VPS13A: variants seen among roughly 807,000 people sequenced by gnomAD.
VPS13A encodes vacuolar protein sorting 13 homolog A, also known as intermembrane lipid transfer protein VPS13A.
Under a neutral mutation model 390.9 loss-of-function variants are expected in VPS13A, and 264 were observed. That is an observed-to-expected ratio of 0.68 (90% CI 0.61 to 0.75). The LOEUF is 0.75. Among genes scored for constraint, VPS13A ranks in the 30% least tolerant of loss-of-function variants. VPS13A has a pLI of 0.00. For missense variants in VPS13A, 3,409 were observed against 3,733.9 expected, an observed-to-expected ratio of 0.91 and a Z score of 2.27; for synonymous variants, 1,231 against 1,227.1, an observed-to-expected ratio of 1.00 and a Z score of -0.07.
intron 34 of VPS13A, among the ~76,000 whole-genome samples, chr9:77,305,141 T>C (rs1247054360): frequency 6.6e-6 from 1 of 152,130 alleles, no homozygotes; most frequent in Non-Finnish European, 1.5e-5. Flanking sequence ...GATTTCACCG[T>C]GTTAGCCAGG....
chr9:77,209,151 T>C (rs531238310), intron 5 of VPS13A, among the ~76,000 whole-genome samples: 1 of 152,220 alleles, frequency 6.6e-6, no homozygotes, highest in Non-Finnish European at 1.5e-5. Context: ...TTTTTAAATA[T>C]ATTTTTGTAC....
At chr9:77,393,896 G>A (rs1834006014) in intron 68 of VPS13A, among the ~76,000 whole-genome samples, 1 of 152,060 alleles carries the variant, frequency 6.6e-6, no homozygotes, top group Non-Finnish European at 1.5e-5. Flanking sequence ...GGCCTCCTGA[G>A]TAGCTGGGAT....
chr9:77,339,830 A>G lies in VPS13A; in HGVS notation c.6693A>G (p.Gly2231=), dbSNP rs755632398. Residue 2231 remains glycine (G), a synonymous_variant, in exon 48 of 72, where the codon GGA becomes GGG. Coordinates refer to ENST00000360280, the MANE Select transcript of VPS13A (RefSeq NM_033305.3). ...GCATGTTACAGTACAAAGCAGACGG[A>G]ATTCATCGAAAGCATCCACCTAATT... ...TGRMLQYKAD[G]IHRKHPPNYK... The G allele has an allele frequency of 3.1e-6, 5 of 1,614,044 alleles. No individual in the cohort carries two copies. In the East Asian group the frequency reaches 1.1e-4, roughly 36 times the overall value.
chr9:77,221,206 C>T lies in VPS13A; in HGVS notation c.1011C>T (p.Gly337=), dbSNP rs1050278809. The T allele has an allele frequency of 1.4e-5, 23 of 1,613,036 alleles. No homozygotes were observed. The highest frequency in any genetic ancestry group is 9.4e-5 in the African/African-American group (7 of 74,796). The part of the protein sequence containing the change: ...AREWWAYAIH[G]VLEVNVCPRL... ...CTAGGTGGGCTTATGCTATACATGG[C>T]GTTCTTGAAGTAAATGTTTGCCCCA... is the stretch of plus-strand genomic sequence containing the variant. The change falls in exon 13 of 72, where the codon GGC becomes GGT. Residue 337 remains glycine (G), a synonymous_variant. Transcript: ENST00000360280.
chr9:77,375,419 G>A (rs1447695845), intron 67 of VPS13A, among the ~76,000 whole-genome samples: 1 of 152,110 alleles, frequency 6.6e-6, no homozygotes, highest in African/African-American at 2.4e-5. Context: ...ATGCAATTTG[G>A]GGAGAGAATG....
intron 1 of VPS13A, among the ~76,000 whole-genome samples, chr9:77,188,607 G>A (rs1824487301): frequency 6.6e-6 from 1 of 152,198 alleles, no homozygotes; most frequent in African/African-American, 2.4e-5. Flanking sequence ...TGGTAGGACA[G>A]TTTATGGTCC....
At chr9:77,351,497 A>G (rs1312450297) in intron 53 of VPS13A, 51 bp downstream of exon 53, 1 of 1,600,966 alleles carries the variant, frequency 6.2e-7, no homozygotes, top group Admixed American at 1.7e-5. Flanking sequence ...TAAAAAAGGT[A>G]TTTGGGCCGG....
intron 1 of VPS13A, among the ~76,000 whole-genome samples, chr9:77,188,975 T>C (rs950536044): frequency 2.4e-4 from 37 of 152,052 alleles, no homozygotes; most frequent in African/African-American, 7.7e-4. Flanking sequence ...AGTTTTCTGC[T>C]TGTTTGTTTA....
chr9:77,272,358 A>G (rs1564683629), intron 23 of VPS13A, among the ~76,000 whole-genome samples: 1 of 152,196 alleles, frequency 6.6e-6, no homozygotes. Context: ...ACTGTTTGGG[A>G]AAGTTTTATC....
intron 53 of VPS13A, among the ~76,000 whole-genome samples, chr9:77,352,296 C>T (rs1304622186): frequency 6.6e-6 from 1 of 152,108 alleles, no homozygotes; most frequent in Admixed American, 6.5e-5. Flanking sequence ...TTTAATCCTT[C>T]AAGATTCATC....
Position 77,192,226 on chromosome 9 carries a change from A to G in VPS13A, c.101-7719A>G, listed in dbSNP as rs569461149. The stretch of plus-strand genomic sequence containing the variant: ...TTCTCCATTCCTTTACTTTGAGCCT[A>G]TGGGTGGCATTGCATATGAAATGGG... On this transcript the variant is annotated intron_variant, in intron 1 of 71. Coordinates refer to ENST00000360280, the MANE Select transcript of VPS13A (RefSeq NM_033305.3). Among the ~76,000 whole-genome samples the G allele has an allele frequency of 5.9e-5, 9 of 152,162 alleles. No homozygotes were observed. The East Asian group carries it at 9.7e-4, about 16-fold the overall frequency.
chr9:77,184,270 T>C (rs1370453420), intron 1 of VPS13A, among the ~76,000 whole-genome samples: 1 of 152,230 alleles, frequency 6.6e-6, no homozygotes, highest in Non-Finnish European at 1.5e-5. Context: ...AATTTTTTTC[T>C]TTCTGTCATA....
At chr9:77,198,809 A>G (rs1405183987) in intron 1 of VPS13A, among the ~76,000 whole-genome samples, 3 of 152,042 alleles carry the variant, frequency 2.0e-5, no homozygotes, top group South Asian at 4.1e-4. Flanking sequence ...GATTACAGGC[A>G]TGCACCATCA....
intron 17 of VPS13A, among the ~76,000 whole-genome samples, chr9:77,237,474 C>T (rs1157101583): frequency 6.6e-6 from 1 of 152,076 alleles, no homozygotes; most frequent in Non-Finnish European, 1.5e-5. Flanking sequence ...AAGCGATTTT[C>T]CTGCCTCAGC....
chr9:77,314,491 A>C lies in VPS13A; in HGVS notation c.4243-4A>C. On this transcript the variant is annotated splice_polypyrimidine_tract_variant and splice_region_variant and intron_variant, in intron 36 of 71. Transcript: ENST00000360280. ...TAATTTTGTGTTGGTTTCTCCTTTC[A>C]TAGGCTTCCTTTACAGATGTTCGTG... 6.2e-7 allele frequency: 1 copy of C among 1,611,356 alleles called. No homozygotes were observed. Among genetic ancestry groups the C allele is most frequent in the Non-Finnish European group, 8.5e-7 (1 of 1,179,010 alleles).
At chr9:77,185,022 C>G (rs180752355) in intron 1 of VPS13A, among the ~76,000 whole-genome samples, 25 of 152,138 alleles carry the variant, frequency 1.6e-4, no homozygotes, top group African/African-American at 6.0e-4. Flanking sequence ...AAATCAGGTG[C>G]GAACCCTGAT....
intron 16 of VPS13A, 84 bp downstream of exon 16, chr9:77,227,569 C>A: frequency 2.7e-6 from 3 of 1,094,456 alleles, no homozygotes; most frequent in Non-Finnish European, 4.0e-6. Flanking sequence ...GTTGCCCAGG[C>A]TGGACTGCAG....
intron 7 of VPS13A, among the ~76,000 whole-genome samples, 184 bp downstream of exon 7, chr9:77,210,859 A>T (rs936621190): frequency 6.6e-6 from 1 of 152,240 alleles, no homozygotes; most frequent in Non-Finnish European, 1.5e-5. Context: ...TGAAAATCAA[A>T]TTCAGAAATA....
In VPS13A at chr9:77,181,404, T is replaced by C. The variant is rs1010216453; in HGVS notation, c.100+3600T>C. Among the ~76,000 whole-genome samples the C allele has an allele frequency of 2.0e-5, 3 of 150,672 alleles. No individual in the cohort carries two copies. The South Asian group carries it at 6.3e-4, about 31-fold the overall frequency. On this transcript the variant is annotated intron_variant, in intron 1 of 71. Coordinates refer to ENST00000360280, the MANE Select transcript of VPS13A (RefSeq NM_033305.3). ...TGTGGCGCTCGCCTGTAATCCCAGCTACTCAGGAGACTGAGGCAGGAGAAT... is the reference window on the plus strand; with the variant it reads ...TGTGGCGCTCGCCTGTAATCCCAGCCACTCAGGAGACTGAGGCAGGAGAAT...
Sources: allele counts gnomAD v4.1 joint callset (sites outside exome capture counted in the v4.1 genomes callset), GRCh38; gene constraint gnomAD v4.1.1; transcripts MANE v1.5; gene names NCBI Gene and HGNC (gene_info 2026-07-23, HGNC 2026-07-21).